The following FRMD4A variants were observed in gnomAD, a reference collection of about 807,000 sequenced individuals.
FRMD4A encodes the protein FERM domain-containing protein 4A.
FRMD4A carries 29 observed loss-of-function variants against 129.1 expected under a neutral mutation model. The ratio of observed to expected loss-of-function variants is 0.22; its 90% CI spans 0.17 to 0.31. FRMD4A has a LOEUF of 0.31. Ranked by LOEUF, FRMD4A falls within the 10% of genes least tolerant of loss-of-function variation. The pLI, the probability that FRMD4A is intolerant of heterozygous loss-of-function variation, is 1.00. For synonymous variants in FRMD4A, 634 were observed against 571.6 expected, an observed-to-expected ratio of 1.11 and a Z score of -1.56; for missense variants, 1,272 against 1,375.8, an observed-to-expected ratio of 0.92 and a Z score of 1.19.
At chr10:14,262,566 G>A (rs1171690661) in intron 2 of FRMD4A, among the ~76,000 whole-genome samples, 1 of 152,122 alleles carries the variant, frequency 6.6e-6, no homozygotes, top group Non-Finnish European at 1.5e-5. Context: ...TCCTTCCTGG[G>A]GCTAAACTGC....
Position 14,187,134 on chromosome 10 carries a change from A to G in FRMD4A, c.45+142924T>C, listed in dbSNP as rs540452035. Among the ~76,000 whole-genome samples the G allele has an allele frequency of 3.7e-5, 5 of 136,040 alleles. No homozygotes were observed. The South Asian group carries it at 1.1e-3, about 31-fold the overall frequency. 89.2% of individuals were successfully genotyped at this position (136,040 alleles called of 152,430 possible). A position where few individuals can be genotyped will look rare whatever the true frequency, so the allele number is the denominator to read the frequency against. ...GCTCTGTCTCAAAGGAAAGAAGGAA[A>G]GAAGGAAGGAAGGAAAGAAGGAAGG... is the stretch of plus-strand genomic sequence containing the variant. On this transcript the variant is annotated intron_variant, in intron 2 of 24. Transcript: ENST00000357447.
chr10:13,776,749 A>G (rs1414103529), intron 6 of FRMD4A, among the ~76,000 whole-genome samples: 1 of 152,230 alleles, frequency 6.6e-6, no homozygotes, highest in Non-Finnish European at 1.5e-5. Flanking sequence ...CCCAAGAGAC[A>G]GGGAGGGAGC....
chr10:13,851,124 A>G (rs1047534228), intron 3 of FRMD4A, among the ~76,000 whole-genome samples: 4 of 152,112 alleles, frequency 2.6e-5, no homozygotes, highest in Non-Finnish European at 5.9e-5. Context: ...TGAGGTGGGA[A>G]AATCACTTGA....
Position 13,740,201 on chromosome 10 carries a change from G to A in FRMD4A, c.665C>T (p.Ala222Val), listed in dbSNP as rs1421514468. 2 of 1,591,696 alleles carry A rather than the reference G, an allele frequency of 1.3e-6. No individual in the cohort carries two copies. The highest frequency in any genetic ancestry group is 2.7e-5 in the African/African-American group (2 of 74,502). Residue 222 changes from alanine to valine, a missense_variant, in exon 11 of 25, where the codon GCA (alanine) becomes GTA (valine). Coordinates refer to ENST00000357447, the MANE Select transcript of FRMD4A (RefSeq NM_018027.5). ...CCAAATGAGTCTACTCACCTTCACT[G>A]CATAATAGTGAACCCCGTAGGTTGG... The part of the protein sequence containing the change: ...SLPTYGVHYY[A>V]VKDKQGIPWW...
intron 2 of FRMD4A, among the ~76,000 whole-genome samples, chr10:14,014,196 G>A (rs557540105): frequency 2.0e-5 from 3 of 152,226 alleles, no homozygotes; most frequent in African/African-American, 7.2e-5. Flanking sequence ...GATGGAAGTT[G>A]GTGTTGTAAT....
intron 2 of FRMD4A, among the ~76,000 whole-genome samples, chr10:14,058,720 T>C (rs1286376488): frequency 6.6e-6 from 1 of 152,052 alleles, no homozygotes; most frequent in Non-Finnish European, 1.5e-5. Flanking sequence ...GTCCTTGAGG[T>C]TACATGAGGC....
intron 2 of FRMD4A, among the ~76,000 whole-genome samples, chr10:14,137,508 A>G (rs1239362895): frequency 6.6e-6 from 1 of 152,228 alleles, no homozygotes; most frequent in Non-Finnish European, 1.5e-5. Flanking sequence ...GAATGCTATC[A>G]GCACATACTG....
intron 2 of FRMD4A, among the ~76,000 whole-genome samples, chr10:14,013,302 G>A (rs1310679917): frequency 6.6e-6 from 1 of 152,088 alleles, no homozygotes; most frequent in South Asian, 2.1e-4. Context: ...TCGTTTGAGG[G>A]CTCCAGGCAA....
At chr10:14,193,194 CA>C (rs1842369088) in intron 2 of FRMD4A, among the ~76,000 whole-genome samples, 1 of 152,140 alleles carries the variant, frequency 6.6e-6, no homozygotes, top group African/African-American at 2.4e-5. Flanking sequence ...GTCTGTAAAC[CA>C]ATGAACAGTA....
chr10:13,683,602 A>T (rs768564876), intron 15 of FRMD4A, among the ~76,000 whole-genome samples: 7 of 152,046 alleles, frequency 4.6e-5, no homozygotes, highest in Non-Finnish European at 8.8e-5. Context: ...GTCTCTAAAC[A>T]GACAAAAAAA....
intron 3 of FRMD4A, among the ~76,000 whole-genome samples, chr10:13,824,562 T>C (rs1588911338): frequency 1.3e-5 from 2 of 151,420 alleles, no homozygotes; most frequent in Non-Finnish European, 2.9e-5. Flanking sequence ...CACAACAATA[T>C]AGTATAACAA....
intron 2 of FRMD4A, among the ~76,000 whole-genome samples, chr10:14,248,144 A>G (rs762335327): frequency 2.9e-4 from 44 of 152,252 alleles, no homozygotes; most frequent in South Asian, 1.0e-3. Flanking sequence ...AGGCAGAGGC[A>G]TAAGTGCCTT....
At chr10:14,226,373 T>C (rs948493196) in intron 2 of FRMD4A, among the ~76,000 whole-genome samples, 10 of 152,166 alleles carry the variant, frequency 6.6e-5, no homozygotes, top group African/African-American at 2.2e-4. Context: ...AAAGTTGACA[T>C]GTTAAAAATT....
chr10:14,014,226 G>C (rs146033129), intron 2 of FRMD4A, among the ~76,000 whole-genome samples: 111 of 152,276 alleles, frequency 7.3e-4, no homozygotes, highest in African/African-American at 2.5e-3. Flanking sequence ...GTGAAGAAGA[G>C]AAGAGGAGCA....
chr10:14,014,949 T>G (rs1378262593), intron 2 of FRMD4A, among the ~76,000 whole-genome samples: 1 of 135,668 alleles, frequency 7.4e-6, no homozygotes, highest in Non-Finnish European at 1.6e-5. Flanking sequence ...TCTTCTTCCT[T>G]CTTTCCTTCC....
At chr10:13,770,052 G>A (rs975782711) in intron 6 of FRMD4A, among the ~76,000 whole-genome samples, 5 of 152,120 alleles carry the variant, frequency 3.3e-5, no homozygotes, top group Non-Finnish European at 4.4e-5. Flanking sequence ...TATCGGTTCT[G>A]TCCCTCTGAC....
chr10:13,866,319 G>A, intron 2 of FRMD4A: 1 of 971,286 alleles, frequency 1.0e-6, no homozygotes, highest in Non-Finnish European at 1.2e-6. Context: ...CCCTGAGGAT[G>A]TCGGATGCGG....
rs142901092 is a variant in FRMD4A, at chr10:13,717,721, C to CGGG, written c.760-10611_760-10609dup. On this transcript the variant is annotated intron_variant, in intron 12 of 24. Coordinates refer to ENST00000357447, the MANE Select transcript of FRMD4A (RefSeq NM_018027.5). ...TTTTTTTTTTTTTTTCCAGGGGTGG[C>CGGG]GGGGGGGGTTGGCAGTTGGCATTTC... Among the ~76,000 whole-genome samples the CGGG allele has an allele frequency of 2.0e-3, 187 of 92,072 alleles. 3 individuals are homozygous for CGGG. Among genetic ancestry groups the CGGG allele is most frequent in the African/African-American group, 8.1e-3 (177 of 21,888 alleles). The allele number at this position is 92,072 out of a possible 152,430, so 60.4% of individuals were successfully genotyped here. A position where few individuals can be genotyped will look rare whatever the true frequency, so the allele number is the denominator to read the frequency against.
intron 2 of FRMD4A, chr10:13,891,691 G>C: frequency 1.0e-6 from 1 of 985,166 alleles, no homozygotes; most frequent in African/African-American, 1.7e-5. Context: ...ACCCCGGAAC[G>C]GGCGTCCCAT....
Sources: gnomAD v4.1 joint callset for allele counts (sites outside exome capture counted in the v4.1 genomes callset) on GRCh38, gnomAD v4.1.1 for gene constraint, MANE v1.5 for transcripts, NCBI Gene and HGNC (gene_info 2026-07-23, HGNC 2026-07-21) for gene names.